NFIA: variants seen among roughly 807,000 people sequenced by gnomAD.
The protein encoded by NFIA is nuclear factor 1 A-type.
NFIA carries 8 observed loss-of-function variants against 62.8 expected under a neutral mutation model. The observed-to-expected ratio is 0.13, with a 90% CI of 0.07 to 0.23. The LOEUF is 0.23. Ranked by LOEUF, NFIA falls within the 10% of genes least tolerant of loss-of-function variation. The pLI is 1.00. For missense variants in NFIA, 410 were observed against 642.1 expected, an observed-to-expected ratio of 0.64 and a Z score of 3.91; for synonymous variants, 235 against 238.1, an observed-to-expected ratio of 0.99 and a Z score of 0.12.
At chr1:61,329,908 C>G (rs1349707472) in intron 3 of NFIA, among the ~76,000 whole-genome samples, 2 of 152,058 alleles carry the variant, frequency 1.3e-5, no homozygotes, top group African/African-American at 4.8e-5. Flanking sequence ...TCCCACCATG[C>G]TGGTGAAGAG....
chr1:61,140,337 T>C lies in NFIA; in HGVS notation c.559+51657T>C, dbSNP rs181083849. ...ACTGCCTCCAGGATGTTGGTAAATA[T>C]CTGGCTGTATTTTTTTTTTTTTTGG... is the stretch of plus-strand genomic sequence containing the variant. On this transcript the variant is annotated intron_variant, in intron 2 of 10. Transcript: ENST00000403491. Among the ~76,000 whole-genome samples the C allele has an allele frequency of 3.5e-4, 51 of 144,746 alleles. No individual in the cohort carries two copies. The East Asian group carries it at 9.7e-3, about 28-fold the overall frequency. The allele number at this position is 144,746 out of a possible 152,430, so 95.0% of individuals were successfully genotyped here.
At chr1:61,118,681 TG>T (rs1646835350) in intron 2 of NFIA, among the ~76,000 whole-genome samples, 1 of 150,520 alleles carries the variant, frequency 6.6e-6, no homozygotes, top group Admixed American at 6.6e-5. Flanking sequence ...TGTGTGTGTG[TG>T]TGTGTGTGTG....
intron 2 of NFIA, among the ~76,000 whole-genome samples, chr1:61,139,719 TA>T (rs1031051870): frequency 6.6e-6 from 1 of 152,120 alleles, no homozygotes; most frequent in African/African-American, 2.4e-5. Context: ...CACTGCTACC[TA>T]AATTACACCC....
chr1:61,288,282 G>A (rs1385029011), intron 3 of NFIA, among the ~76,000 whole-genome samples: 1 of 152,086 alleles, frequency 6.6e-6, no homozygotes, highest in Non-Finnish European at 1.5e-5. Context: ...TAGAGAAATG[G>A]CATTTCTGAT....
Position 61,352,467 on chromosome 1 carries a change from A to G in NFIA, c.718A>G (p.Thr240Ala). The G allele has an allele frequency of 1.9e-6, 3 of 1,613,794 alleles. No homozygotes were observed. The highest frequency in any genetic ancestry group is 2.5e-6 in the Non-Finnish European group (3 of 1,179,776). Reference sequence around the variant, plus strand: ...AATTCTAGCACCAATAGCTGCAGGAACTGGCCCAAATTTTTCTCTCTCAGA... The same window carrying G: ...AATTCTAGCACCAATAGCTGCAGGAGCTGGCCCAAATTTTTCTCTCTCAGA... ...RVSQTPIAAG[T>A]GPNFSLSDLE... The change falls in exon 5 of 11, where the codon ACT becomes GCT. Residue 240 changes from threonine to alanine, a missense_variant. This residue lies in a region of NFIA where 298 missense variants were observed against 438.1 expected (regional missense o/e 0.68). Coordinates refer to ENST00000403491, the MANE Select transcript of NFIA (RefSeq NM_001134673.4).
At position 61,160,840 on chromosome 1, in the gene NFIA, A is replaced by G. The variant is rs533181256; in HGVS notation, c.559+72160A>G. On this transcript the variant is annotated intron_variant, in intron 2 of 10. Transcript: ENST00000403491. ...CAAGTCACATTTTATAGACTTTTCA[A>G]TAACTTTCTAAAGTTGATCACAATC... is the stretch of plus-strand genomic sequence containing the variant. Among the ~76,000 whole-genome samples, 17 of 152,332 alleles carry G rather than the reference A, an allele frequency of 1.1e-4. No individual in the cohort carries two copies. The South Asian group carries it at 2.5e-3, about 22-fold the overall frequency.
chr1:61,265,774 G>T (rs1260786998), intron 2 of NFIA, among the ~76,000 whole-genome samples: 1 of 152,148 alleles, frequency 6.6e-6, no homozygotes, highest in Non-Finnish European at 1.5e-5. Flanking sequence ...TGGAAGACCC[G>T]ATGGGTCAAG....
chr1:61,423,291 C>A (rs969409873), intron 9 of NFIA, among the ~76,000 whole-genome samples: 1 of 149,524 alleles, frequency 6.7e-6, no homozygotes, highest in South Asian at 2.1e-4. Context: ...GCCAAATAAT[C>A]AATGATTTGA....
At position 61,211,959 on chromosome 1, in the gene NFIA, G is replaced by A. The variant is rs75094432; in HGVS notation, c.560-65561G>A. Among the ~76,000 whole-genome samples the A allele has an allele frequency of 1.3e-3, 193 of 152,312 alleles. 3 individuals carry two copies. In the East Asian group the frequency reaches 0.036, roughly 28 times the overall value. ...CCATCTGCCCGCCTGGCCTCCCAAA[G>A]TGCTGGGATTGGTTGCTATTTTTCA... is the stretch of plus-strand genomic sequence containing the variant. On this transcript the variant is annotated intron_variant, in intron 2 of 10. Transcript: ENST00000403491.
intron 6 of NFIA, among the ~76,000 whole-genome samples, chr1:61,372,611 G>C (rs1260378232): frequency 1.3e-5 from 2 of 150,896 alleles, no homozygotes; most frequent in African/African-American, 4.9e-5. Flanking sequence ...GTCAGATACA[G>C]TGCTTCAGAA....
intron 9 of NFIA, among the ~76,000 whole-genome samples, chr1:61,415,245 T>C (rs2100539032): frequency 6.6e-6 from 1 of 152,268 alleles, no homozygotes; most frequent in South Asian, 2.1e-4. Flanking sequence ...ATCAAAAATA[T>C]AATATTAAGC....
intron 3 of NFIA, among the ~76,000 whole-genome samples, chr1:61,322,612 T>C (rs1334546031): frequency 1.3e-5 from 2 of 149,960 alleles, no homozygotes; most frequent in African/African-American, 4.8e-5. Context: ...TGGCCACTCC[T>C]AACTGTAAGG....
Position 61,462,319 on chromosome 1 carries a change from T to G in NFIA, c.*6999T>G, listed in dbSNP as rs974795740. The G allele has an allele frequency of 2.0e-5, 3 of 151,906 alleles. No homozygotes were observed. Among genetic ancestry groups the G allele is most frequent in the African/African-American group, 7.2e-5 (3 of 41,388 alleles). The allele number at this position is 151,906 out of a possible 1,614,324, so 9.4% of individuals were successfully genotyped here. A position where few individuals can be genotyped will look rare whatever the true frequency, so the allele number is the denominator to read the frequency against. On this transcript the variant is annotated 3_prime_UTR_variant, in exon 11 of 11. Coordinates refer to ENST00000403491, the MANE Select transcript of NFIA (RefSeq NM_001134673.4). The stretch of plus-strand genomic sequence containing the variant: ...CCCCGCCCCACCCTTAGCCCTGCCC[T>G]CTCACCAGAGCAAAATTCACTGGGG...
In NFIA at chr1:61,223,142, A is replaced by AT. The variant is rs1005446024; in HGVS notation, c.560-54372dup. Among the ~76,000 whole-genome samples the AT allele has an allele frequency of 9.2e-5, 14 of 152,118 alleles. No homozygotes were observed. In the East Asian group the frequency reaches 2.3e-3, roughly 25 times the overall value. On this transcript the variant is annotated intron_variant, in intron 2 of 10. Transcript: ENST00000403491. Reference sequence around the variant, plus strand: ...TGTTTAATCTTTCTTTTTAACTGGAATTTTTTAACAGCAGTTCTTTGAAAA... The same window carrying AT: ...TGTTTAATCTTTCTTTTTAACTGGAATTTTTTTAACAGCAGTTCTTTGAAAA...
chr1:61,103,431 G>A (rs1407629626), intron 2 of NFIA, among the ~76,000 whole-genome samples: 1 of 152,162 alleles, frequency 6.6e-6, no homozygotes, highest in South Asian at 2.1e-4. Flanking sequence ...CCTGCCCACA[G>A]CATCCATTAG....
chr1:61,128,673 C>T (rs1001822980), intron 2 of NFIA, among the ~76,000 whole-genome samples: 13 of 151,960 alleles, frequency 8.6e-5, no homozygotes, highest in Admixed American at 5.9e-4. Flanking sequence ...AGCATAACCC[C>T]GATCACATGT....
At chr1:61,248,701 A>T (rs1330869982) in intron 2 of NFIA, among the ~76,000 whole-genome samples, 2 of 152,072 alleles carry the variant, frequency 1.3e-5, no homozygotes, top group African/African-American at 4.8e-5. Flanking sequence ...AGAAACTTCC[A>T]CTCTAGGCAT....
intron 2 of NFIA, among the ~76,000 whole-genome samples, chr1:61,135,019 G>A (rs1019649963): frequency 2.6e-5 from 4 of 152,196 alleles, no homozygotes; most frequent in African/African-American, 9.7e-5. Context: ...GGAACAACTC[G>A]AGGCTTTACA....
intron 3 of NFIA, among the ~76,000 whole-genome samples, chr1:61,311,190 G>A (rs1291372107): frequency 4.6e-5 from 7 of 152,114 alleles, no homozygotes; most frequent in Non-Finnish European, 8.8e-5. Context: ...TCGGAAGTTC[G>A]AGACCAGCCT....
Sources: gnomAD v4.1 joint callset for allele counts (sites outside exome capture counted in the v4.1 genomes callset) on GRCh38, gnomAD v4.1.1 for gene constraint, gnomAD v4.1.1 regional missense constraint, MANE v1.5 for transcripts, NCBI Gene and HGNC (gene_info 2026-07-23, HGNC 2026-07-21) for gene names.